Variants in GPT2 observed in about 807,000 individuals in gnomAD.
GPT2 encodes the protein glutamic--pyruvic transaminase 2.
A neutral mutation model predicts 56.9 loss-of-function variants in GPT2; 30 were observed. The ratio of observed to expected loss-of-function variants is 0.53; its 90% CI spans 0.39 to 0.72. The LOEUF is 0.72. Among genes scored for constraint, GPT2 ranks in the 30% least tolerant of loss-of-function variants. The pLI is 0.00. For missense variants in GPT2, 542 were observed against 703.4 expected (o/e 0.77, Z 2.60); for synonymous variants, 271 against 283.1 (o/e 0.96, Z 0.43).
At chr16:46,908,968 A>G (rs1203993826) in intron 5 of GPT2, among the ~76,000 whole-genome samples, 1 of 152,226 alleles carries the variant, frequency 6.6e-6, no homozygotes, top group Admixed American at 6.5e-5. Context: ...ACATCCACCA[A>G]TACCCCAAAG....
intron 3 of GPT2, among the ~76,000 whole-genome samples, chr16:46,899,098 T>A (rs1030041519): frequency 2.7e-5 from 4 of 149,112 alleles, no homozygotes; most frequent in African/African-American, 7.4e-5. Context: ...ATTGTCATGA[T>A]CACTGCTCTC....
intron 2 of GPT2, among the ~76,000 whole-genome samples, chr16:46,890,999 G>A (rs1165276050): frequency 2.0e-5 from 3 of 151,802 alleles, no homozygotes; most frequent in Non-Finnish European, 4.4e-5. Context: ...TCAGCCTCCC[G>A]CGTAGCTGGG....
rs1003745560 is a variant in GPT2, at chr16:46,930,953, C to A, written c.*1956C>A. On this transcript the variant is annotated 3_prime_UTR_variant, in exon 12 of 12. Transcript: ENST00000340124. Reference sequence around the variant, plus strand: ...GTTTGGTTTTCTACAGATTCTGTTCCGGTGCCTTTCCTATCCAGGCACCAC... The same window carrying A: ...GTTTGGTTTTCTACAGATTCTGTTCAGGTGCCTTTCCTATCCAGGCACCAC... 1 of 152,616 alleles carries A rather than the reference C, an allele frequency of 6.6e-6. No individual in the cohort carries two copies. Among genetic ancestry groups the A allele is most frequent in the African/African-American group, 2.4e-5 (1 of 41,442 alleles). The allele number at this position is 152,616 out of a possible 1,614,324, so 9.5% of individuals were successfully genotyped here.
intron 5 of GPT2, among the ~76,000 whole-genome samples, chr16:46,908,335 ATGGAGCCTGCAG>A (rs1222612924): frequency 1.3e-5 from 1 of 74,638 alleles, no homozygotes; most frequent in Non-Finnish European, 2.9e-5. Context: ...TGGGAGACTG[ATGGAGCCTGCAG>A]TCCTGGGCTT....
intron 9 of GPT2, 78 bp from the exon 10 acceptor site, chr16:46,924,311 G>A (rs1343445955): frequency 3.3e-6 from 5 of 1,496,034 alleles, no homozygotes; most frequent in South Asian, 2.3e-5. Flanking sequence ...TTCCGCAAGT[G>A]CTGCAGGAAA....
chr16:46,922,974 G>T (rs183072712), intron 9 of GPT2, among the ~76,000 whole-genome samples: 1 of 152,064 alleles, frequency 6.6e-6, no homozygotes, highest in Non-Finnish European at 1.5e-5. Flanking sequence ...TAAAGTGCTC[G>T]GTTTTCTGGC....
intron 2 of GPT2, chr16:46,885,283 G>A: frequency 9.6e-7 from 1 of 1,043,516 alleles, no homozygotes; most frequent in Non-Finnish European, 1.2e-6. Flanking sequence ...GAACATAAGC[G>A]AATGAAGAAA....
At chr16:46,905,017 C>T (rs774268325) in intron 4 of GPT2, among the ~76,000 whole-genome samples, 34 of 151,294 alleles carry the variant, frequency 2.2e-4, no homozygotes, top group African/African-American at 7.8e-4. Context: ...CCCAATGCTG[C>T]GCAGAGAGGC....
chr16:46,902,949 C>T (rs969198730), intron 4 of GPT2, among the ~76,000 whole-genome samples: 3 of 151,904 alleles, frequency 2.0e-5, no homozygotes, highest in Non-Finnish European at 1.5e-5. Context: ...TTATCATACC[C>T]TTTAAAATTA....
chr16:46,917,432 G>C (rs550253451), intron 7 of GPT2, among the ~76,000 whole-genome samples: 1 of 152,260 alleles, frequency 6.6e-6, no homozygotes, highest in East Asian at 1.9e-4. Flanking sequence ...TGTATCTACT[G>C]TCTCATTTAA....
intron 4 of GPT2, among the ~76,000 whole-genome samples, chr16:46,902,953 A>G (rs1960847924): frequency 6.6e-6 from 1 of 151,972 alleles, no homozygotes; most frequent in Non-Finnish European, 1.5e-5. Context: ...CATACCCTTT[A>G]AAATTATTTC....
rs1960795614 is a variant in GPT2 at position 46,900,539 on chromosome 16, A to G, written c.334-143A>G. On this transcript the variant is annotated intron_variant, in intron 3 of 11. Transcript: ENST00000340124. ...CCAGCGTCTTCCCCTCCCACTCCCAAGCTCCCACAGGCTGAGTCCTCGCAG... is the reference window on the plus strand; with the variant it reads ...CCAGCGTCTTCCCCTCCCACTCCCAGGCTCCCACAGGCTGAGTCCTCGCAG... 8.3e-6 allele frequency: 5 copies of G among 603,530 alleles called. No homozygotes were observed. The South Asian group carries it at 1.2e-4, about 14-fold the overall frequency. The allele number at this position is 603,530 out of a possible 1,614,324, so 37.4% of individuals were successfully genotyped here.
chr16:46,920,385 G>A (rs1269859262), intron 8 of GPT2, among the ~76,000 whole-genome samples: 7 of 152,236 alleles, frequency 4.6e-5, no homozygotes, highest in African/African-American at 9.6e-5. Context: ...GGAGATGTCC[G>A]GGTGTGAATT....
intron 9 of GPT2, among the ~76,000 whole-genome samples, chr16:46,923,193 G>A (rs527996671): frequency 4.5e-4 from 69 of 152,268 alleles, no homozygotes; most frequent in African/African-American, 9.1e-4. Context: ...CGGGCGTAGC[G>A]GCTCATGCCT....
chr16:46,915,124 C>T (rs867831439), intron 6 of GPT2, among the ~76,000 whole-genome samples: 14 of 152,064 alleles, frequency 9.2e-5, no homozygotes, highest in South Asian at 6.2e-4. Flanking sequence ...GTTGCCCATG[C>T]GGTCTGGAAC....
intron 6 of GPT2, among the ~76,000 whole-genome samples, chr16:46,912,041 TGA>T (rs1464077638): frequency 6.6e-6 from 1 of 152,148 alleles, no homozygotes; most frequent in African/African-American, 2.4e-5. Context: ...CTTCACTGTG[TGA>T]GAGTCAGTCA....
At chr16:46,893,263 TGG>T (rs1413557296) in intron 2 of GPT2, among the ~76,000 whole-genome samples, 2 of 152,210 alleles carry the variant, frequency 1.3e-5, no homozygotes, top group Non-Finnish European at 2.9e-5. Flanking sequence ...CCCAAATAGC[TGG>T]GACTACAGGC....
intron 4 of GPT2, among the ~76,000 whole-genome samples, chr16:46,904,246 T>C (rs1331977288): frequency 6.6e-6 from 1 of 152,164 alleles, no homozygotes; most frequent in East Asian, 1.9e-4. Flanking sequence ...GGGCTGCTTC[T>C]GTACAAAATA....
At chr16:46,920,586 G>A (rs1160792698) in intron 8 of GPT2, among the ~76,000 whole-genome samples, 5 of 152,224 alleles carry the variant, frequency 3.3e-5, no homozygotes, top group Admixed American at 6.5e-5. Context: ...GCCAGGTGTC[G>A]GCATGGGGAG....
Sources: allele counts gnomAD v4.1 joint callset (sites outside exome capture counted in the v4.1 genomes callset), GRCh38; gene constraint gnomAD v4.1.1; transcripts MANE v1.5; gene names NCBI Gene and HGNC (gene_info 2026-07-23, HGNC 2026-07-21).